Variants in CNTNAP2 observed in about 807,000 individuals in gnomAD.
CNTNAP2 encodes contactin associated protein 2.
Under a neutral mutation model 155.2 loss-of-function variants are expected in CNTNAP2, and 98 were observed. The observed-to-expected ratio is 0.63, with a 90% CI of 0.54 to 0.75. The LOEUF is 0.75. Ranked by LOEUF, CNTNAP2 falls within the 30% of genes least tolerant of loss-of-function variation. The pLI is 0.00. For synonymous variants in CNTNAP2, 651 were observed against 631.2 expected (o/e 1.03, Z -0.47); for missense variants, 1,727 against 1,688.1 (o/e 1.02, Z -0.40).
Position 146,826,195 on chromosome 7 carries a change from A to G in CNTNAP2, c.209-13516A>G, listed in dbSNP as rs1158487732. Among the ~76,000 whole-genome samples, 2 of 152,086 alleles carry G rather than the reference A, an allele frequency of 1.3e-5. 1 individual carries two copies. The highest frequency in any genetic ancestry group is 1.3e-4 in the Admixed American group (2 of 15,232). ...TTTAGTTACTAGTTAGAAGATTTTC[A>G]TTTTGTAAATGTACCTCTGACCCTT... On this transcript the variant is annotated intron_variant, in intron 2 of 23. Transcript: ENST00000361727.
chr7:147,460,198 A>G (rs754770564), intron 10 of CNTNAP2, among the ~76,000 whole-genome samples: 22 of 152,018 alleles, frequency 1.4e-4, no homozygotes, highest in Non-Finnish European at 3.2e-4. Context: ...CCAGGACCCC[A>G]TTTCATCTGC....
chr7:146,321,787 G>A lies in CNTNAP2; in HGVS notation c.97+204814G>A, dbSNP rs1801006016. Among the ~76,000 whole-genome samples, 3 of 152,064 alleles carry A rather than the reference G, an allele frequency of 2.0e-5. No individual in the cohort carries two copies. In the South Asian group the frequency reaches 6.2e-4, roughly 32 times the overall value. On this transcript the variant is annotated intron_variant, in intron 1 of 23. Coordinates refer to ENST00000361727, the MANE Select transcript of CNTNAP2 (RefSeq NM_014141.6). ...TGTGGATGCTTAAAATCTCAAGAAG[G>A]AAAATGTTTTTCATCTGTGGTCACA...
intron 9 of CNTNAP2, among the ~76,000 whole-genome samples, chr7:147,381,972 G>T (rs1796545048): frequency 6.6e-6 from 1 of 151,902 alleles, no homozygotes; most frequent in South Asian, 2.1e-4. Context: ...AAATATTCTA[G>T]CTAAAGTATA....
intron 18 of CNTNAP2, among the ~76,000 whole-genome samples, chr7:148,210,579 A>G (rs1325800537): frequency 6.6e-6 from 1 of 152,374 alleles, no homozygotes; most frequent in East Asian, 1.9e-4. Context: ...CTTGTGGGCC[A>G]CACGTGCCAC....
chr7:147,673,958 T>C (rs539345309), intron 13 of CNTNAP2, among the ~76,000 whole-genome samples: 1 of 152,132 alleles, frequency 6.6e-6, no homozygotes, highest in Non-Finnish European at 1.5e-5. Context: ...GAAAAAATAA[T>C]AAAACATGTG....
At chr7:146,684,599 A>G (rs1005644075) in intron 1 of CNTNAP2, among the ~76,000 whole-genome samples, 2 of 127,976 alleles carry the variant, frequency 1.6e-5, no homozygotes, top group African/African-American at 6.2e-5. Context: ...GACAGAATAG[A>G]ATGTTCCCAA....
At chr7:147,064,030 A>G (rs879601068) in intron 4 of CNTNAP2, among the ~76,000 whole-genome samples, 1 of 152,154 alleles carries the variant, frequency 6.6e-6, no homozygotes, top group Admixed American at 6.6e-5. Context: ...ATCGAAATCA[A>G]TATAAAATAT....
chr7:146,566,899 A>G (rs1489087723), intron 1 of CNTNAP2, among the ~76,000 whole-genome samples: 1 of 152,158 alleles, frequency 6.6e-6, no homozygotes. Flanking sequence ...AAAAATATCC[A>G]TCCTCTGACA....
At chr7:147,190,090 A>G (rs1161712846) in intron 8 of CNTNAP2, among the ~76,000 whole-genome samples, 1 of 152,052 alleles carries the variant, frequency 6.6e-6, no homozygotes, top group South Asian at 2.1e-4. Context: ...GGGTATTTGT[A>G]TCCCAAATAT....
chr7:147,856,627 G>A (rs1799044437), intron 13 of CNTNAP2, among the ~76,000 whole-genome samples: 1 of 125,344 alleles, frequency 8.0e-6, no homozygotes, highest in Admixed American at 8.4e-5. Flanking sequence ...GAATTAGTTT[G>A]GCTTTTTTTT....
chr7:147,036,765 A>T (rs1735370603), intron 3 of CNTNAP2, among the ~76,000 whole-genome samples: 1 of 152,206 alleles, frequency 6.6e-6, no homozygotes, highest in East Asian at 1.9e-4. Context: ...TCTATGCAAG[A>T]AAGATTCAAC....
At chr7:146,760,409 C>CTTTTGTTTTTTTTTTTTTTTTTTT (rs1802074339) in intron 1 of CNTNAP2, among the ~76,000 whole-genome samples, 1 of 56,276 alleles carries the variant, frequency 1.8e-5, no homozygotes, top group Non-Finnish European at 3.0e-5. Context: ...TCCAATTTAC[C>CTTTTGTTTTTTTTTTTTTTTTTTT]TTTTTTTTTT....
intron 13 of CNTNAP2, among the ~76,000 whole-genome samples, chr7:147,892,912 C>T (rs10270081): frequency 0.017 from 2,615 of 152,214 alleles, 76 homozygotes; most frequent in African/African-American, 0.057. Flanking sequence ...TCTATTCACC[C>T]CTAATCAGAT....
chr7:146,869,132 G>C (rs1244304491), intron 3 of CNTNAP2, among the ~76,000 whole-genome samples: 3 of 152,154 alleles, frequency 2.0e-5, no homozygotes, highest in Non-Finnish European at 4.4e-5. Flanking sequence ...TGCCCATTCA[G>C]TATAATGTTG....
rs543122497 is a variant in CNTNAP2 at position 147,880,576 on chromosome 7, G to A, written c.2099-22989G>A. Among the ~76,000 whole-genome samples, 8 of 149,546 alleles carry A rather than the reference G, an allele frequency of 5.3e-5. No individual in the cohort carries two copies. In the East Asian group the frequency reaches 1.6e-3, roughly 30 times the overall value. On this transcript the variant is annotated intron_variant, in intron 13 of 23. Transcript: ENST00000361727. ...AGGGAGCATAGAAAGACGGGACTTG[G>A]AAAGTGCCAACTTTTTCATTGTTTG...
chr7:147,636,309 A>G lies in CNTNAP2; in HGVS notation c.1898-2797A>G, dbSNP rs149849171. On this transcript the variant is annotated intron_variant, in intron 12 of 23. Coordinates refer to ENST00000361727, the MANE Select transcript of CNTNAP2 (RefSeq NM_014141.6). ...TAGATGAAAGGGGTTTAGAGCCTAGAAGATGAAGTCACTTGTCTAGAGTCT... is the reference window on the plus strand; with the variant it reads ...TAGATGAAAGGGGTTTAGAGCCTAGGAGATGAAGTCACTTGTCTAGAGTCT... Among the ~76,000 whole-genome samples the G allele has an allele frequency of 2.7e-3, 411 of 152,306 alleles. 4 individuals are homozygous for G. Among genetic ancestry groups the G allele is most frequent in the African/African-American group, 8.7e-3 (362 of 41,552 alleles).
At chr7:146,318,575 C>A (rs1412271186) in intron 1 of CNTNAP2, among the ~76,000 whole-genome samples, 2 of 152,016 alleles carry the variant, frequency 1.3e-5, no homozygotes, top group African/African-American at 4.8e-5. Context: ...GCCTTCTCTC[C>A]CTATTTACAA....
intron 3 of CNTNAP2, among the ~76,000 whole-genome samples, chr7:147,029,739 A>G (rs1044023888): frequency 4.6e-5 from 7 of 152,178 alleles, no homozygotes; most frequent in Non-Finnish European, 1.0e-4. Context: ...GTTAATGCTC[A>G]AATCAGACAT....
chr7:146,390,432 C>T (rs1315618594), intron 1 of CNTNAP2, among the ~76,000 whole-genome samples: 8 of 151,674 alleles, frequency 5.3e-5, no homozygotes, highest in African/African-American at 1.5e-4. Flanking sequence ...CAACATAAAC[C>T]GAATCTAATC....
Sources: gnomAD v4.1 joint callset for allele counts (sites outside exome capture counted in the v4.1 genomes callset) on GRCh38, gnomAD v4.1.1 for gene constraint, MANE v1.5 for transcripts, NCBI Gene and HGNC (gene_info 2026-07-23, HGNC 2026-07-21) for gene names.